BICC1: variants seen among roughly 807,000 people sequenced by gnomAD.
BICC1 encodes protein bicaudal C homolog 1.
A neutral mutation model predicts 111.0 loss-of-function variants in BICC1; 43 were observed. The ratio of observed to expected loss-of-function variants is 0.39; its 90% confidence interval spans 0.30 to 0.50. The LOEUF is 0.50. Among genes scored for constraint, BICC1 ranks in the 20% least tolerant of loss-of-function variants. The pLI is 0.88. For synonymous variants in BICC1, 467 were observed against 434.4 expected, an observed-to-expected ratio of 1.07 and a Z score of -0.93; for missense variants, 1,091 against 1,203.2, an observed-to-expected ratio of 0.91 and a Z score of 1.38.
At chr10:58,620,774 C>G in intron 1 of BICC1, 81 bp from the exon 2 acceptor site, 1 of 1,356,662 alleles carries the variant, frequency 7.4e-7, no homozygotes, top group Non-Finnish European at 1.0e-6. Flanking sequence ...TTTGCTTTTG[C>G]ATTCTCATAT....
At chr10:58,527,958 G>A (rs970604249) in intron 1 of BICC1, among the ~76,000 whole-genome samples, 1 of 151,926 alleles carries the variant, frequency 6.6e-6, no homozygotes, top group Admixed American at 6.6e-5. Context: ...GTCTCATGTA[G>A]GGTTATGATA....
chr10:58,600,710 C>A (rs995097496), intron 1 of BICC1, among the ~76,000 whole-genome samples: 2 of 152,100 alleles, frequency 1.3e-5, no homozygotes, highest in Non-Finnish European at 2.9e-5. Flanking sequence ...CTTCTGCCTC[C>A]TTCTCAGCCT....
intron 3 of BICC1, among the ~76,000 whole-genome samples, chr10:58,780,164 A>G (rs1269910599): frequency 6.6e-6 from 1 of 152,172 alleles, no homozygotes; most frequent in Non-Finnish European, 1.5e-5. Context: ...AACGTGAAAG[A>G]GCTCCACGCC....
At chr10:58,592,030 T>C (rs1255204956) in intron 1 of BICC1, among the ~76,000 whole-genome samples, 3 of 152,242 alleles carry the variant, frequency 2.0e-5, no homozygotes, top group East Asian at 1.9e-4. Flanking sequence ...ATTCTCTCCA[T>C]ACCTTTTATA....
chr10:58,646,694 A>G (rs1838279652), intron 2 of BICC1, among the ~76,000 whole-genome samples: 1 of 152,112 alleles, frequency 6.6e-6, no homozygotes, highest in African/African-American at 2.4e-5. Context: ...GGGAGAAACA[A>G]TTTTATTTTA....
intron 9 of BICC1, among the ~76,000 whole-genome samples, chr10:58,796,059 A>G (rs1274449087): frequency 6.6e-6 from 1 of 152,144 alleles, no homozygotes. Context: ...TTCCCACCCT[A>G]TAAGGTTTTG....
intron 2 of BICC1, among the ~76,000 whole-genome samples, chr10:58,695,641 C>T (rs957747158): frequency 3.3e-5 from 5 of 152,110 alleles, no homozygotes; most frequent in Admixed American, 1.3e-4. Flanking sequence ...TTTAACTTAA[C>T]GTCGGGAGCG....
At chr10:58,644,609 C>T (rs772921617) in intron 2 of BICC1, among the ~76,000 whole-genome samples, 7 of 152,028 alleles carry the variant, frequency 4.6e-5, no homozygotes, top group South Asian at 4.1e-4. Flanking sequence ...TCTAGGGCCA[C>T]GTTAGAGTGA....
intron 2 of BICC1, among the ~76,000 whole-genome samples, chr10:58,636,205 A>T (rs1837949198): frequency 6.6e-6 from 1 of 152,152 alleles, no homozygotes; most frequent in South Asian, 2.1e-4. Flanking sequence ...GGAGGATAAG[A>T]CCTAGCATTT....
At chr10:58,766,668 C>T (rs554826499) in intron 3 of BICC1, among the ~76,000 whole-genome samples, 2 of 152,122 alleles carry the variant, frequency 1.3e-5, no homozygotes, top group East Asian at 3.9e-4. Flanking sequence ...GAAGTTCCAG[C>T]TCACTGCTGG....
intron 1 of BICC1, among the ~76,000 whole-genome samples, chr10:58,598,743 T>G (rs1430733279): frequency 6.6e-6 from 1 of 152,080 alleles, no homozygotes; most frequent in Non-Finnish European, 1.5e-5. Flanking sequence ...GGAGAAAATT[T>G]TTACACTCTA....
chr10:58,595,964 T>C (rs1263669074), intron 1 of BICC1, among the ~76,000 whole-genome samples: 1 of 152,130 alleles, frequency 6.6e-6, no homozygotes. Flanking sequence ...GATAGACTGC[T>C]AGCCAGACTA....
intron 5 of BICC1, among the ~76,000 whole-genome samples, chr10:58,787,766 A>G (rs549797181): frequency 6.6e-6 from 1 of 152,314 alleles, no homozygotes; most frequent in Admixed American, 6.5e-5. Flanking sequence ...AAGCTATAGT[A>G]AAAAGCAAAG....
intron 1 of BICC1, among the ~76,000 whole-genome samples, chr10:58,579,280 C>A (rs1257842564): frequency 6.6e-6 from 1 of 152,168 alleles, no homozygotes; most frequent in African/African-American, 2.4e-5. Context: ...ATAGTCCGCT[C>A]CTTGCTGGAG....
chr10:58,788,561 T>C, intron 6 of BICC1, 138 bp downstream of exon 6: 1 of 577,704 alleles, frequency 1.7e-6, no homozygotes, highest in South Asian at 2.6e-5. Context: ...GTTATTTTAG[T>C]GTCTATCTTA....
At chr10:58,513,615 G>C (rs1406686448) in intron 1 of BICC1, among the ~76,000 whole-genome samples, 1 of 152,212 alleles carries the variant, frequency 6.6e-6, no homozygotes. Context: ...CCCAAGTTGC[G>C]TTCTGGACTT....
At chr10:58,769,394 G>A (rs1412101276) in intron 3 of BICC1, among the ~76,000 whole-genome samples, 2 of 107,310 alleles carry the variant, frequency 1.9e-5, no homozygotes, top group Non-Finnish European at 4.2e-5. Context: ...GTGTGTGTGT[G>A]TGTGTGTGTG....
chr10:58,738,416 C>A (rs1841545903), intron 3 of BICC1, among the ~76,000 whole-genome samples: 1 of 152,060 alleles, frequency 6.6e-6, no homozygotes, highest in African/African-American at 2.4e-5. Context: ...GGCATTGTTT[C>A]TGAGGGCTCT....
Position 58,513,471 on chromosome 10 carries a change from C to A in BICC1, c.190+138C>A, listed in dbSNP as rs1202014506. The A allele has an allele frequency of 4.7e-5, 38 of 814,552 alleles. No homozygotes were observed. In the South Asian group the frequency reaches 7.4e-4, roughly 16 times the overall value. 50.5% of individuals were successfully genotyped at this position (814,552 alleles called of 1,614,324 possible). On this transcript the variant is annotated intron_variant, in intron 1 of 20. Coordinates refer to ENST00000373886, the MANE Select transcript of BICC1 (RefSeq NM_001080512.3). ...CTCCAGGCCCGCTCCCCCGCGGAGC[C>A]GGAGGACACCCAGGGACTGGAGACT...
Sources: gnomAD v4.1 joint callset for allele counts (sites outside exome capture counted in the v4.1 genomes callset) on GRCh38, gnomAD v4.1.1 for gene constraint, MANE v1.5 for transcripts, NCBI Gene and HGNC (gene_info 2026-07-23, HGNC 2026-07-21) for gene names.